The following PTPRT variants were observed in gnomAD, a reference collection of about 807,000 sequenced individuals.
The protein encoded by PTPRT is receptor-type tyrosine-protein phosphatase T.
Under a neutral mutation model 176.8 loss-of-function variants are expected in PTPRT, and 56 were observed. The ratio of observed to expected loss-of-function variants is 0.32; its 90% CI spans 0.26 to 0.40. The LOEUF is 0.40. Ranked by LOEUF, PTPRT falls within the 10% of genes least tolerant of loss-of-function variation. The pLI, the probability that PTPRT is intolerant of heterozygous loss-of-function variation, is 1.00. For synonymous variants in PTPRT, 783 were observed against 739.0 expected (o/e 1.06, Z -0.96); for missense variants, 1,540 against 1,908.2 (o/e 0.81, Z 3.60).
intron 1 of PTPRT, among the ~76,000 whole-genome samples, chr20:42,892,264 C>A (rs150324234): frequency 0.012 from 1,840 of 152,198 alleles, 25 homozygotes; most frequent in Middle Eastern, 0.051. Context: ...ACAAGCCCTG[C>A]CATTTTGATT....
chr20:42,989,518 G>A (rs1172223662), intron 1 of PTPRT, among the ~76,000 whole-genome samples: 3 of 152,182 alleles, frequency 2.0e-5, no homozygotes, highest in African/African-American at 7.2e-5. Flanking sequence ...AGGCTGACAA[G>A]GACTGCCCAG....
chr20:42,170,777 A>G (rs1600626954), intron 16 of PTPRT, among the ~76,000 whole-genome samples: 1 of 152,230 alleles, frequency 6.6e-6, no homozygotes, highest in Non-Finnish European at 1.5e-5. Context: ...GAAGAACAGA[A>G]TAAATGGAAC....
intron 7 of PTPRT, among the ~76,000 whole-genome samples, chr20:42,636,750 A>C (rs2074609889): frequency 6.6e-6 from 1 of 152,060 alleles, no homozygotes; most frequent in Non-Finnish European, 1.5e-5. Flanking sequence ...ACACCACTGC[A>C]CTCCAGCCTG....
chr20:42,647,537 C>T (rs2074934119), intron 7 of PTPRT, among the ~76,000 whole-genome samples: 1 of 152,082 alleles, frequency 6.6e-6, no homozygotes, highest in Admixed American at 6.5e-5. Context: ...TAGATGAAAC[C>T]ATCCAATTTG....
chr20:42,723,424 C>A (rs1011500435), intron 6 of PTPRT, among the ~76,000 whole-genome samples: 1 of 152,146 alleles, frequency 6.6e-6, no homozygotes, highest in Non-Finnish European at 1.5e-5. Flanking sequence ...TCCCGGTGAG[C>A]TGGGCTGTGG....
At chr20:43,178,569 C>T (rs1000413983) in intron 1 of PTPRT, among the ~76,000 whole-genome samples, 2 of 152,192 alleles carry the variant, frequency 1.3e-5, no homozygotes, top group Admixed American at 1.3e-4. Context: ...ACATCCAAAG[C>T]TCTGGATCTG....
chr20:42,790,777 C>G (rs2077362908), intron 3 of PTPRT, among the ~76,000 whole-genome samples: 1 of 152,142 alleles, frequency 6.6e-6, no homozygotes, highest in South Asian at 2.1e-4. Flanking sequence ...TCCTAATTGC[C>G]TTCCCCAGCA....
At chr20:42,596,888 T>A (rs1329288461) in intron 7 of PTPRT, among the ~76,000 whole-genome samples, 2 of 152,184 alleles carry the variant, frequency 1.3e-5, no homozygotes, top group African/African-American at 4.8e-5. Flanking sequence ...TGTAAATTGG[T>A]GTATAATTTA....
intron 7 of PTPRT, among the ~76,000 whole-genome samples, chr20:42,510,707 C>A (rs916080510): frequency 6.6e-6 from 1 of 152,138 alleles, no homozygotes; most frequent in Non-Finnish European, 1.5e-5. Flanking sequence ...CTGGAAGTAA[C>A]AGAACCGTGG....
chr20:42,116,790 A>T (rs1987306321), intron 21 of PTPRT, among the ~76,000 whole-genome samples: 1 of 152,198 alleles, frequency 6.6e-6, no homozygotes, highest in South Asian at 2.1e-4. Context: ...AGCACCTGGC[A>T]CAGTGTTTGG....
At chr20:43,048,894 C>T (rs1203225129) in intron 1 of PTPRT, among the ~76,000 whole-genome samples, 1 of 152,162 alleles carries the variant, frequency 6.6e-6, no homozygotes. Flanking sequence ...AAGACACCTG[C>T]TCGCCTCTGC....
intron 1 of PTPRT, among the ~76,000 whole-genome samples, chr20:43,094,843 G>A (rs973742445): frequency 2.6e-5 from 4 of 152,138 alleles, no homozygotes; most frequent in Non-Finnish European, 5.9e-5. Flanking sequence ...ATAAATGGAC[G>A]AAGGATTACA....
intron 6 of PTPRT, among the ~76,000 whole-genome samples, chr20:42,700,647 A>G (rs2075961395): frequency 6.6e-6 from 1 of 152,178 alleles, no homozygotes; most frequent in Non-Finnish European, 1.5e-5. Context: ...AGAAAAGCAC[A>G]AAAGGATGTC....
At chr20:42,958,687 A>G (rs1981815077) in intron 1 of PTPRT, among the ~76,000 whole-genome samples, 1 of 151,978 alleles carries the variant, frequency 6.6e-6, no homozygotes, top group Non-Finnish European at 1.5e-5. Flanking sequence ...ATAATTTATC[A>G]TCTACACTAG....
chr20:43,086,036 C>G (rs1439660088), intron 1 of PTPRT, among the ~76,000 whole-genome samples: 1 of 152,024 alleles, frequency 6.6e-6, no homozygotes, highest in African/African-American at 2.4e-5. Context: ...AACATGGAAC[C>G]AGAGGTCCAG....
At chr20:42,036,735 A>G in the PTPRT span, among the ~76,000 whole-genome samples, 1 of 152,340 alleles carries the variant, frequency 6.6e-6, no homozygotes, top group East Asian at 1.9e-4. Flanking sequence ...TCAGCCAGAG[A>G]GGCCACAGTC....
At chr20:42,349,867 T>C (rs1278843484) in intron 11 of PTPRT, among the ~76,000 whole-genome samples, 1 of 152,232 alleles carries the variant, frequency 6.6e-6, no homozygotes, top group African/African-American at 2.4e-5. Flanking sequence ...GAACTAGCAG[T>C]GGTCAGTTTA....
Position 43,189,700 on chromosome 20 carries a change from GC to G in PTPRT, c.33del (p.Leu12SerfsTer2). 7.6e-7 allele frequency: 1 copy of G among 1,315,370 alleles called. No individual in the cohort carries two copies. 81.5% of individuals were successfully genotyped at this position (1,315,370 alleles called of 1,614,324 possible). MASLAALALS[L>X]LLRLQLPPLP... ...AGTGGCGGCAGCTGCAGCCTCAGGA[GC>G]AGGCTGAGGGCGAGCGCGGCGAGGC... is the stretch of plus-strand genomic sequence containing the variant. On this transcript the variant is annotated frameshift_variant, in exon 1 of 31. Coordinates refer to ENST00000373187, the MANE Select transcript of PTPRT (RefSeq NM_007050.6). LOFTEE classifies it high-confidence loss of function. This position sits in a 1 kb window ranked among gnomAD's most constrained non-coding sequence, Gnocchi z 5.0.
chr20:42,615,015 C>A (rs1364309168), intron 7 of PTPRT, among the ~76,000 whole-genome samples: 2 of 142,806 alleles, frequency 1.4e-5, no homozygotes, highest in South Asian at 4.7e-4. Flanking sequence ...ATACATGTGC[C>A]ATGCTGGTGT....
Sources: allele counts gnomAD v4.1 joint callset (sites outside exome capture counted in the v4.1 genomes callset), GRCh38; gene constraint gnomAD v4.1.1; non-coding constraint Gnocchi (gnomAD v3.1); transcripts MANE v1.5; gene names NCBI Gene and HGNC (gene_info 2026-07-23, HGNC 2026-07-21).